Variants in UBASH3A observed in about 807,000 individuals in gnomAD.
UBASH3A encodes the protein ubiquitin-associated and SH3 domain-containing protein A.
UBASH3A carries 63 observed loss-of-function variants against 73.5 expected under a neutral mutation model. The observed-to-expected ratio is 0.86, with a 90% CI of 0.70 to 1.06. The LOEUF (loss-of-function observed/expected upper bound fraction) is 1.06. Ranked by LOEUF, UBASH3A falls within the 50% of genes least tolerant of loss-of-function variation. The pLI is 0.00. For missense variants in UBASH3A, 860 were observed against 859.0 expected, an observed-to-expected ratio of 1.00 and a Z score of -0.02; for synonymous variants, 363 against 351.1, an observed-to-expected ratio of 1.03 and a Z score of -0.38.
intron 14 of UBASH3A, among the ~76,000 whole-genome samples, chr21:42,446,783 A>G (rs2053851131): frequency 6.6e-6 from 1 of 152,226 alleles, no homozygotes; most frequent in South Asian, 2.1e-4. Context: ...ACCACCTTGT[A>G]GGACCTCTAC....
intron 7 of UBASH3A, among the ~76,000 whole-genome samples, chr21:42,426,384 C>T (rs760320583): frequency 6.6e-6 from 1 of 152,202 alleles, no homozygotes; most frequent in African/African-American, 2.4e-5. Flanking sequence ...AAATGTTAAT[C>T]TCATTCTAAA....
chr21:42,442,935 G>A (rs1006069026), intron 12 of UBASH3A, among the ~76,000 whole-genome samples: 4 of 152,178 alleles, frequency 2.6e-5, no homozygotes, highest in Admixed American at 2.6e-4. Flanking sequence ...ATCAGATGTC[G>A]AAGGTAGGAG....
chr21:42,426,663 C>G, intron 7 of UBASH3A, 34 bp from the exon 8 acceptor site: 2 of 1,610,876 alleles, frequency 1.2e-6, no homozygotes, highest in Middle Eastern at 3.3e-4. Flanking sequence ...CATGGTCTCA[C>G]TTCTGTTCAA....
chr21:42,442,418 A>T, intron 11 of UBASH3A, 34 bp from the exon 12 acceptor site: 1 of 1,606,946 alleles, frequency 6.2e-7, no homozygotes, highest in South Asian at 1.1e-5. Context: ...GTGGATGTTG[A>T]GGATGATAAA....
At chr21:42,404,162 G>A in intron 1 of UBASH3A, 104 bp downstream of exon 1, 2 of 551,786 alleles carry the variant, frequency 3.6e-6, no homozygotes, top group Non-Finnish European at 5.8e-6. Context: ...ACGGCTTCCT[G>A]CCAAAGCAGT....
At chr21:42,411,067 A>G (rs1469074344) in intron 3 of UBASH3A, among the ~76,000 whole-genome samples, 1 of 151,644 alleles carries the variant, frequency 6.6e-6, no homozygotes, top group Non-Finnish European at 1.5e-5. Context: ...ACACACATAC[A>G]TGCATACAGA....
chr21:42,428,492 TA>T (rs2053477432), intron 8 of UBASH3A, among the ~76,000 whole-genome samples: 1 of 152,122 alleles, frequency 6.6e-6, no homozygotes, highest in Non-Finnish European at 1.5e-5. Flanking sequence ...TAAAAAGCTT[TA>T]AATGTTTTTA....
chr21:42,408,657 C>T (rs2053026102), intron 2 of UBASH3A, among the ~76,000 whole-genome samples: 1 of 151,986 alleles, frequency 6.6e-6, no homozygotes, highest in Admixed American at 6.6e-5. Context: ...GAGAAAAATG[C>T]CGTCTCGGAG....
chr21:42,425,748 G>A (rs781426020), intron 7 of UBASH3A, among the ~76,000 whole-genome samples: 7 of 152,114 alleles, frequency 4.6e-5, no homozygotes, highest in Admixed American at 6.5e-5. Flanking sequence ...GACGGGTCTC[G>A]GTGGAGGAGT....
At chr21:42,406,237 C>T (rs2052972974) in intron 1 of UBASH3A, 71 bp from the exon 2 acceptor site, 33 of 1,307,480 alleles carry the variant, frequency 2.5e-5, no homozygotes, top group Non-Finnish European at 3.7e-5. Context: ...TGCAAGGCCA[C>T]ACCCTGCCTC....
At chr21:42,406,452 G>A in intron 2 of UBASH3A, 91 bp downstream of exon 2, 4 of 1,146,252 alleles carry the variant, frequency 3.5e-6, no homozygotes, top group East Asian at 4.7e-5. Context: ...ATACCAGGAA[G>A]AGCCGGGCGC....
chr21:42,417,376 A>G (rs2053232746), intron 6 of UBASH3A: 1 of 140,290 alleles, frequency 7.1e-6, no homozygotes, highest in South Asian at 2.5e-4. Flanking sequence ...GTGAGCAGAG[A>G]TCGTACCGTT....
At chr21:42,407,293 G>A (rs940778989) in intron 2 of UBASH3A, among the ~76,000 whole-genome samples, 1 of 152,164 alleles carries the variant, frequency 6.6e-6, no homozygotes, top group African/African-American at 2.4e-5. Flanking sequence ...CCTCTCCAAA[G>A]CAGGAGGGCA....
intron 7 of UBASH3A, among the ~76,000 whole-genome samples, chr21:42,425,689 G>A (rs902713594): frequency 1.3e-5 from 2 of 152,020 alleles, no homozygotes; most frequent in African/African-American, 2.4e-5. Flanking sequence ...AAGATCATGT[G>A]TAACGCAGAT....
intron 11 of UBASH3A, among the ~76,000 whole-genome samples, chr21:42,438,421 A>C (rs1021974237): frequency 6.6e-6 from 1 of 152,166 alleles, no homozygotes; most frequent in East Asian, 1.9e-4. Context: ...GGGGCCCAGG[A>C]CATGGGCTGG....
At chr21:42,426,392 A>T (rs967917358) in intron 7 of UBASH3A, among the ~76,000 whole-genome samples, 1 of 152,196 alleles carries the variant, frequency 6.6e-6, no homozygotes, top group African/African-American at 2.4e-5. Flanking sequence ...ATCTCATTCT[A>T]AAAAAATACC....
intron 7 of UBASH3A, among the ~76,000 whole-genome samples, chr21:42,420,029 C>T (rs768996093): frequency 7.2e-5 from 11 of 152,116 alleles, no homozygotes; most frequent in Non-Finnish European, 1.5e-4. Context: ...TGAAGAACAT[C>T]CACTGTTTGT....
At chr21:42,432,053 T>G in intron 8 of UBASH3A, 50 bp from the exon 9 acceptor site, 2 of 1,187,252 alleles carry the variant, frequency 1.7e-6, no homozygotes, top group South Asian at 1.3e-5. Context: ...GCAAGTCCAG[T>G]GAGTTGGATG....
intron 8 of UBASH3A, among the ~76,000 whole-genome samples, chr21:42,431,354 C>T (rs748780492): frequency 3.9e-5 from 6 of 152,250 alleles, no homozygotes; most frequent in East Asian, 1.9e-4. Flanking sequence ...AGAAAGAGGG[C>T]GGGCGTGAGC....
Sources: gnomAD v4.1 joint callset for allele counts (sites outside exome capture counted in the v4.1 genomes callset) on GRCh38, gnomAD v4.1.1 for gene constraint, MANE v1.5 for transcripts, NCBI Gene and HGNC (gene_info 2026-07-23, HGNC 2026-07-21) for gene names.